Variants in PSME3IP1 observed in about 807,000 individuals in gnomAD.
PSME3IP1 encodes PSME3-interacting protein.
In PSME3IP1, 13 loss-of-function variants were observed where a neutral mutation model predicts 34.1. The ratio of observed to expected loss-of-function variants is 0.38; its 90% CI spans 0.25 to 0.61. The LOEUF is 0.61. Among genes scored for constraint, PSME3IP1 ranks in the 20% least tolerant of loss-of-function variants. PSME3IP1 has a pLI of 0.60. For synonymous variants in PSME3IP1, 93 were observed against 114.3 expected, an observed-to-expected ratio of 0.81 and a Z score of 1.19; for missense variants, 237 against 301.4, an observed-to-expected ratio of 0.79 and a Z score of 1.58.
intron 5 of PSME3IP1, among the ~76,000 whole-genome samples, chr16:57,165,715 T>A (rs1304979460): frequency 6.6e-6 from 1 of 152,144 alleles, no homozygotes; most frequent in Non-Finnish European, 1.5e-5. Flanking sequence ...TCGGACAGAT[T>A]AGGAACTCCT....
At position 57,154,668 on chromosome 16, in the gene PSME3IP1, G is replaced by A. The variant is rs1214093203; in HGVS notation, c.548-161C>T. 6.6e-6 allele frequency among the ~76,000 whole-genome samples: 1 copy of A among 152,210 alleles called. No individual in the cohort carries two copies. Among genetic ancestry groups the A allele is most frequent in the Non-Finnish European group, 1.5e-5 (1 of 68,026 alleles). On this transcript the variant is annotated intron_variant, in intron 6 of 6. Transcript: ENST00000309137. The surrounding 1 kb of genome is among the most constrained non-coding windows in gnomAD (Gnocchi z 4.0). ...TCATCACCCTCGTTTTAGAGATGGGGAAACTGAAGGAGGAAGGGAGGCTCC... is the reference window on the plus strand; with the variant it reads ...TCATCACCCTCGTTTTAGAGATGGGAAAACTGAAGGAGGAAGGGAGGCTCC...
intron 6 of PSME3IP1, among the ~76,000 whole-genome samples, chr16:57,156,235 A>G (rs1401411308): frequency 2.0e-5 from 3 of 152,218 alleles, no homozygotes; most frequent in African/African-American, 4.8e-5. Context: ...ACGTGAATCA[A>G]AAGAGAACAT....
At chr16:57,166,127 G>A (rs1047112024) in intron 5 of PSME3IP1, among the ~76,000 whole-genome samples, 1 of 152,238 alleles carries the variant, frequency 6.6e-6, no homozygotes, top group Admixed American at 6.5e-5. Flanking sequence ...AAGAACATCT[G>A]CAGCAGATGG....
At chr16:57,170,081 CTTT>C (rs869047118) in intron 4 of PSME3IP1, among the ~76,000 whole-genome samples, 7 of 125,908 alleles carry the variant, frequency 5.6e-5, no homozygotes, top group African/African-American at 9.0e-5. Context: ...CCATACAACG[CTTT>C]TTTTTTTTTT....
At chr16:57,179,942 A>T (rs1412087153) in intron 1 of PSME3IP1, among the ~76,000 whole-genome samples, 3 of 152,266 alleles carry the variant, frequency 2.0e-5, no homozygotes, top group African/African-American at 7.2e-5. Flanking sequence ...ATTTCTGGCC[A>T]GAAGGCACTT....
chr16:57,173,813 C>T lies in PSME3IP1; in HGVS notation c.42G>A (p.Arg14=), dbSNP rs1425203021. 6.2e-7 allele frequency: 1 copy of T among 1,613,876 alleles called. No individual in the cohort carries two copies. The highest frequency in any genetic ancestry group is 1.3e-5 in the African/African-American group (1 of 74,876). Residue 14 remains arginine (R), a synonymous_variant, in exon 2 of 7, where the codon AGG becomes AGA. Coordinates refer to ENST00000309137, the MANE Select transcript of PSME3IP1 (RefSeq NM_024946.4). ...CATCTAGTTCTGCCTCAGACACAAA[C>T]CTCTTTTTGATAATAAGGTTACCAT... ...GDDGNLIIKK[R]FVSEAELDER...
At chr16:57,172,724 C>A (rs756676664) in intron 3 of PSME3IP1, 52 bp downstream of exon 3, 2 of 1,324,396 alleles carry the variant, frequency 1.5e-6, no homozygotes, top group East Asian at 4.6e-5. Flanking sequence ...GGCAAAAGTG[C>A]GTCAAAAGTA....
At chr16:57,170,144 G>A (rs116641709) in intron 4 of PSME3IP1, among the ~76,000 whole-genome samples, 4,405 of 148,736 alleles carry the variant, frequency 0.03, 218 homozygotes, top group African/African-American at 0.1. Context: ...GTACAGTGGC[G>A]TGACCTTGGC....
intron 6 of PSME3IP1, among the ~76,000 whole-genome samples, chr16:57,159,956 T>C (rs527657779): frequency 1.3e-5 from 2 of 152,254 alleles, no homozygotes; most frequent in East Asian, 3.9e-4. Flanking sequence ...GTGCCATGAC[T>C]GCACCTGTGA....
At chr16:57,184,908 T>C (rs1054962850) in intron 1 of PSME3IP1, among the ~76,000 whole-genome samples, 11 of 152,256 alleles carry the variant, frequency 7.2e-5, no homozygotes, top group African/African-American at 2.4e-4. Context: ...AAAGCTGCTG[T>C]CGGCTCAATA....
At position 57,153,400 on chromosome 16, in the gene PSME3IP1, G is replaced by C. The variant is rs890465184; in HGVS notation, c.*890C>G. 6.6e-6 allele frequency: 1 copy of C among 152,206 alleles called. No individual in the cohort carries two copies. The highest frequency in any genetic ancestry group is 1.5e-5 in the Non-Finnish European group (1 of 68,048). The allele number at this position is 152,206 out of a possible 1,614,324, so 9.4% of individuals were successfully genotyped here. A position where few individuals can be genotyped will look rare whatever the true frequency, so the allele number is the denominator to read the frequency against. ...GGCCTCAATAGAATGGTCACAATAT[G>C]CAAGTGTGTCCCACTCATTTACAAT... On this transcript the variant is annotated 3_prime_UTR_variant, in exon 7 of 7. Coordinates refer to ENST00000309137, the MANE Select transcript of PSME3IP1 (RefSeq NM_024946.4).
At chr16:57,155,884 T>C (rs888070057) in intron 6 of PSME3IP1, among the ~76,000 whole-genome samples, 1 of 151,964 alleles carries the variant, frequency 6.6e-6, no homozygotes, top group Non-Finnish European at 1.5e-5. Context: ...ATGTGAGGAT[T>C]GCTTGAGCCC....
At position 57,172,338 on chromosome 16, in the gene PSME3IP1, G is replaced by T; in HGVS notation, c.261C>A (p.Thr87=). 1 of 1,613,784 alleles carries T rather than the reference G, an allele frequency of 6.2e-7. No homozygotes were observed. The highest frequency in any genetic ancestry group is 1.3e-5 in the African/African-American group (1 of 74,946). The change falls in exon 4 of 7, where the codon ACC becomes ACA. Residue 87 remains threonine, a synonymous_variant. Coordinates refer to ENST00000309137, the MANE Select transcript of PSME3IP1 (RefSeq NM_024946.4). ...GTCGAGAAACCTCATCAAGGAAGTTGGTCTCATCTTCATCTAAGCCTCTTA... is the reference window on the plus strand; with the variant it reads ...GTCGAGAAACCTCATCAAGGAAGTTTGTCTCATCTTCATCTAAGCCTCTTA... ...NMVRGLDEDE[T]NFLDEVSRQQ...
Position 57,174,492 on chromosome 16 carries a change from T to C in PSME3IP1, c.-15-623A>G, listed in dbSNP as rs1195810994. 3 of 985,314 alleles carry C rather than the reference T, an allele frequency of 3.0e-6. No homozygotes were observed. In the African/African-American group the frequency reaches 5.2e-5, roughly 17 times the overall value. 61.0% of individuals were successfully genotyped at this position (985,314 alleles called of 1,614,324 possible). A position where few individuals can be genotyped will look rare whatever the true frequency, so the allele number is the denominator to read the frequency against. On this transcript the variant is annotated intron_variant, in intron 1 of 6. Transcript: ENST00000309137. ...TGCAGCTATTTCTCTGTCCCTCTAA[T>C]CTAGAAAAATTGGCCTCCTGAGCAT...
upstream of PSME3IP1, chr16:57,186,093 C>T (rs1049748284): frequency 2.0e-6 from 2 of 985,598 alleles, no homozygotes; most frequent in Non-Finnish European, 2.4e-6. Context: ...CTCTTCCTCC[C>T]CGGGAGCCCG....
chr16:57,157,203 G>A (rs2070639285), intron 6 of PSME3IP1, among the ~76,000 whole-genome samples: 1 of 151,862 alleles, frequency 6.6e-6, no homozygotes, highest in South Asian at 2.1e-4. Context: ...CAGCTACTCA[G>A]GAGGCTGAGG....
chr16:57,178,942 A>C, intron 1 of PSME3IP1: 1 of 285,300 alleles, frequency 3.5e-6, no homozygotes, highest in Non-Finnish European at 5.3e-6. Context: ...TTGACTTCTA[A>C]TTCCTATTGT....
At chr16:57,177,556 T>C (rs2073305011) in intron 1 of PSME3IP1, among the ~76,000 whole-genome samples, 1 of 151,716 alleles carries the variant, frequency 6.6e-6, no homozygotes, top group Admixed American at 6.6e-5. Flanking sequence ...AGAAATAAAG[T>C]AAATGCATAT....
At chr16:57,157,266 T>C (rs945467138) in intron 6 of PSME3IP1, among the ~76,000 whole-genome samples, 1 of 142,864 alleles carries the variant, frequency 7.0e-6, no homozygotes, top group Non-Finnish European at 1.5e-5. Context: ...TGAGCCATGA[T>C]CGCACCACAG....
Sources: gnomAD v4.1 joint callset for allele counts (sites outside exome capture counted in the v4.1 genomes callset) on GRCh38, gnomAD v4.1.1 for gene constraint, Gnocchi (gnomAD v3.1) non-coding constraint, MANE v1.5 for transcripts, NCBI Gene and HGNC (gene_info 2026-07-23, HGNC 2026-07-21) for gene names.